Variants in ZNF449 observed in about 807,000 individuals in gnomAD.
The protein encoded by ZNF449 is zinc finger protein 449, also known as zinc finger and SCAN domain-containing protein 19.
Under a neutral mutation model 32.6 loss-of-function variants are expected in ZNF449, and 4 were observed. The observed-to-expected ratio is 0.12, with a 90% confidence interval of 0.06 to 0.28. The LOEUF is 0.28. ZNF449 is among the 10% of genes least tolerant of loss of function. The pLI is 1.00. For synonymous variants in ZNF449, 123 were observed against 132.2 expected, an observed-to-expected ratio of 0.93 and a Z score of 0.48; for missense variants, 275 against 383.2, an observed-to-expected ratio of 0.72 and a Z score of 2.36.
intron 3 of ZNF449, among the ~76,000 whole-genome samples, chrX:135,355,422 A>T (rs191511773): frequency 9.1e-6 from 1 of 110,359 alleles, no homozygotes; most frequent in East Asian, 2.8e-4. Context: ...TCATTCAGTT[A>T]TCCCACTCCT....
intron 3 of ZNF449, among the ~76,000 whole-genome samples, chrX:135,358,209 G>A (rs1344093353): frequency 9.0e-6 from 1 of 111,224 alleles, no homozygotes; most frequent in Non-Finnish European, 1.9e-5. Context: ...TAATGCCAGT[G>A]AGATATAGAA....
In ZNF449 at chrX:135,360,712, A is replaced by G. The variant is rs2084942500; in HGVS notation, c.1193A>G (p.Gln398Arg). ...FTRRSHLIGH[Q>R]RTHSEEETYK... ...CGGCGGTCACATCTTATAGGGCACC[A>G]GAGAACCCATTCTGAAGAAGAAACA... is the stretch of plus-strand genomic sequence containing the variant. The change falls in exon 5 of 5, where the codon CAG becomes CGG. Residue 398 changes from glutamine (Q) to arginine (R), a missense_variant. Around this residue, in one of 3 missense-constraint regions of ZNF449, gnomAD observed 80 missense variants for 146.6 expected, o/e 0.55. Coordinates refer to ENST00000339249, the MANE Select transcript of ZNF449 (RefSeq NM_152695.6). The G allele has an allele frequency of 8.3e-7, 1 of 1,209,468 alleles. No homozygotes were observed. The highest frequency in any genetic ancestry group is 1.7e-5 in the African/African-American group (1 of 57,144).
At chrX:135,349,399 C>A in intron 3 of ZNF449, 85 bp downstream of exon 3, 2 of 887,554 alleles carry the variant, frequency 2.3e-6, no homozygotes, top group Non-Finnish European at 3.2e-6. Context: ...TTAGAAACAC[C>A]AATTACTCAA....
intron 3 of ZNF449, among the ~76,000 whole-genome samples, chrX:135,352,215 A>G (rs886924878): frequency 8.9e-6 from 1 of 112,172 alleles, no homozygotes; most frequent in Non-Finnish European, 1.9e-5. Flanking sequence ...TGAGCAAAAA[A>G]TTAGGTTGTT....
In ZNF449 at chrX:135,360,173, G is replaced by C. The variant is rs375282741; in HGVS notation, c.674-20G>C. 5.4e-5 allele frequency: 63 copies of C among 1,160,744 alleles called. No individual in the cohort carries two copies. The highest frequency in any genetic ancestry group is 7.0e-5 in the Non-Finnish European group (61 of 875,606). On this transcript the variant is annotated intron_variant, in intron 4 of 4. Transcript: ENST00000339249. ...TCCATGGAACACAATATCATCTGCA[G>C]TTTCTATTTCTTCTCTCAGGTTTTG... is the stretch of plus-strand genomic sequence containing the variant.
intron 1 of ZNF449, among the ~76,000 whole-genome samples, chrX:135,346,595 G>A (rs1034114361): frequency 8.9e-6 from 1 of 111,990 alleles, no homozygotes; most frequent in African/African-American, 3.2e-5. Flanking sequence ...ATAAATTCAC[G>A]GTCCTTAGCC....
rs115983064 is a variant in ZNF449, at chrX:135,346,649, T to C, written c.-100-370T>C. Among the ~76,000 whole-genome samples the C allele has an allele frequency of 6.1e-3, 682 of 112,188 alleles. 6 individuals are homozygous for C. The highest frequency in any genetic ancestry group is 0.02 in the African/African-American group (603 of 30,833). On this transcript the variant is annotated intron_variant, in intron 1 of 4. Transcript: ENST00000339249. ...GAGCAGAACTGTCCAATAGACCTTT[T>C]TGCAGTGAAGTCTATTAAGCATTTG...
chrX:135,347,916 T>C (rs1001105754), intron 2 of ZNF449: 15 of 247,736 alleles, frequency 6.1e-5, no homozygotes, highest in African/African-American at 4.2e-4. Flanking sequence ...AAATATTTAC[T>C]ATTTGGCTCT....
Position 135,349,793 on chromosome X carries a change from A to C in ZNF449, c.559+479A>C, listed in dbSNP as rs782502355. Among the ~76,000 whole-genome samples the C allele has an allele frequency of 6.2e-5, 7 of 112,068 alleles. No homozygotes were observed. In the East Asian group the frequency reaches 2.0e-3, roughly 31 times the overall value. ...TCAAAACCTATTACAGTGTTTTTCAAACTGTAGTAAGCAGACCATTTGCAG... is the reference window on the plus strand; with the variant it reads ...TCAAAACCTATTACAGTGTTTTTCACACTGTAGTAAGCAGACCATTTGCAG... On this transcript the variant is annotated intron_variant, in intron 3 of 4. Coordinates refer to ENST00000339249, the MANE Select transcript of ZNF449 (RefSeq NM_152695.6).
chrX:135,360,946 C>T lies in ZNF449; in HGVS notation c.1427C>T (p.Pro476Leu). The change falls in exon 5 of 5, where the codon CCA (proline) becomes CTA (leucine). Residue 476 changes from proline to leucine, a missense_variant. By Grantham distance (98) the Pro-to-Leu change is moderately conservative (BLOSUM62 -3). Coordinates refer to ENST00000339249, the MANE Select transcript of ZNF449 (RefSeq NM_152695.6). ...NYCGKSFRQR[P>L]SLVIHLRIHT... The stretch of plus-strand genomic sequence containing the variant: ...TGTGGGAAAAGTTTTAGACAGAGAC[C>T]AAGCCTCGTTATTCATTTAAGAATC... 8.3e-7 allele frequency: 1 copy of T among 1,211,085 alleles called. No individual in the cohort carries two copies. Among genetic ancestry groups the T allele is most frequent in the Non-Finnish European group, 1.1e-6 (1 of 895,177 alleles).
Position 135,360,417 on chromosome X carries a change from G to A in ZNF449, c.898G>A (p.Glu300Lys). ...GAACCCCACTCTGGGAGAGACACCTGAGAACTCCAACTTGGAAGAACCTCT... is the reference window on the plus strand; with the variant it reads ...GAACCCCACTCTGGGAGAGACACCTAAGAACTCCAACTTGGAAGAACCTCT... ...QQNPTLGETP[E>K]NSNLEEPLNP... is the part of the protein sequence containing the mutation. Residue 300 changes from glutamate (E) to lysine (K), a missense_variant, in exon 5 of 5, where the codon GAG becomes AAG. Glu to Lys is a moderately conservative substitution (Grantham distance 56). This residue lies in a region of ZNF449 where 165 missense variants were observed against 175.0 expected (regional missense o/e 0.94). Transcript: ENST00000339249. The A allele has an allele frequency of 8.3e-7, 1 of 1,211,206 alleles. No homozygotes were observed. Among genetic ancestry groups the A allele is most frequent in the Non-Finnish European group, 1.1e-6 (1 of 895,293 alleles).
chrX:135,360,096 T>C, intron 4 of ZNF449, 91 bp downstream of exon 4: 1 of 1,095,252 alleles, frequency 9.1e-7, no homozygotes, highest in Non-Finnish European at 1.2e-6. Context: ...GGAATTTCTA[T>C]GTTCCTGCCA....
chrX:135,353,951 T>C (rs1267404687), intron 3 of ZNF449, among the ~76,000 whole-genome samples: 2 of 111,950 alleles, frequency 1.8e-5, no homozygotes, highest in Admixed American at 1.9e-4. Context: ...ATAGCTTACA[T>C]TGAGGGTAAA....
intron 3 of ZNF449, among the ~76,000 whole-genome samples, chrX:135,357,374 A>C (rs945669322): frequency 9.0e-6 from 1 of 111,688 alleles, no homozygotes; most frequent in East Asian, 2.8e-4. Flanking sequence ...CAGGTGTCTC[A>C]GCATTATTTG....
chrX:135,351,562 T>C (rs946444372), intron 3 of ZNF449, among the ~76,000 whole-genome samples: 26 of 107,926 alleles, frequency 2.4e-4, no homozygotes, highest in Non-Finnish European at 3.4e-4. Context: ...AGGAAAACTT[T>C]ACAAGTATGC....
At position 135,347,434 on chromosome X, in the gene ZNF449, G is replaced by A; in HGVS notation, c.316G>A (p.Glu106Lys). ...ENRERVVSLI[E>K]DLQRELEIPE... ...TAGAGAAAGAGTTGTGTCACTGATA[G>A]AAGACTTACAGAGAGAACTTGAGAT... The change falls in exon 2 of 5, where the codon GAA (glutamate) becomes AAA (lysine). Residue 106 changes from glutamate (E) to lysine (K), a missense_variant. Transcript: ENST00000339249. 1 of 1,212,069 alleles carries A rather than the reference G, an allele frequency of 8.3e-7. No individual in the cohort carries two copies. Among genetic ancestry groups the A allele is most frequent in the South Asian group, 1.8e-5 (1 of 56,988 alleles).
In ZNF449 at chrX:135,362,742, T is replaced by A. The variant is rs1444178592; in HGVS notation, c.*1666T>A. ...TGCCTAACTAGTCCTGTTCTAGGCT[T>A]AGTGGAAGCTAGTAAAGAAATATAA... On this transcript the variant is annotated 3_prime_UTR_variant, in exon 5 of 5. Transcript: ENST00000339249. The A allele has an allele frequency of 8.9e-6, 1 of 112,037 alleles. No individual in the cohort carries two copies. Among genetic ancestry groups the A allele is most frequent in the Non-Finnish European group, 1.9e-5 (1 of 53,144 alleles). The allele number at this position is 112,037 out of a possible 1,213,427, so 9.2% of individuals were successfully genotyped here.
Position 135,361,499 on chromosome X carries a change from A to T in ZNF449, c.*423A>T, listed in dbSNP as rs186249743. On this transcript the variant is annotated 3_prime_UTR_variant, in exon 5 of 5. Transcript: ENST00000339249. ...TATTAAAGATGATTATATTCATTCA[A>T]AGCTTTAGATGTGTCCCATGTGGCA... 5.5e-4 allele frequency: 63 copies of T among 114,167 alleles called. No individual in the cohort carries two copies. The highest frequency in any genetic ancestry group is 6.7e-4 in the Non-Finnish European group (37 of 54,939). 9.4% of individuals were successfully genotyped at this position (114,167 alleles called of 1,213,427 possible). A position where few individuals can be genotyped will look rare whatever the true frequency, so the allele number is the denominator to read the frequency against.
chrX:135,357,227 A>C (rs1364702029), intron 3 of ZNF449, among the ~76,000 whole-genome samples: 2 of 111,453 alleles, frequency 1.8e-5, no homozygotes, highest in Non-Finnish European at 3.8e-5. Context: ...CAAGGTCACA[A>C]AAATTTTCTC....
Sources: allele counts gnomAD v4.1 joint callset (sites outside exome capture counted in the v4.1 genomes callset), GRCh38; gene constraint gnomAD v4.1.1; regional missense constraint gnomAD v4.1.1; transcripts MANE v1.5; gene names NCBI Gene and HGNC (gene_info 2026-07-23, HGNC 2026-07-21).